The following RABL3 variants were observed in gnomAD, a reference collection of about 807,000 sequenced individuals.
The protein encoded by RABL3 is RAB, member of RAS oncogene family like 3.
RABL3 carries 31 observed loss-of-function variants against 31.8 expected under a neutral mutation model. The ratio of observed to expected loss-of-function variants is 0.97; its 90% CI spans 0.73 to 1.31. The LOEUF (loss-of-function observed/expected upper bound fraction) is 1.31. Among genes scored for constraint, RABL3 ranks in the 40% most tolerant of loss-of-function variants. The probability of loss-of-function intolerance (pLI) is 0.00; values close to 1 mark genes in which losing one functional copy is unlikely to be tolerated. For synonymous variants in RABL3, 97 were observed against 99.9 expected (o/e 0.97, Z 0.18); for missense variants, 263 against 279.6 (o/e 0.94, Z 0.42).
rs1038925153 is a variant in RABL3, at chr3:120,741,171, A to G, written c.46+1291T>C. On this transcript the variant is annotated intron_variant, in intron 1 of 7. Coordinates refer to ENST00000273375, the MANE Select transcript of RABL3 (RefSeq NM_173825.5). Reference sequence around the variant, plus strand: ...AGTGATACTCTTGCCAAGTCCCTTTAGGCCACAATTACTTTATCTGTAAAA... The same window carrying G: ...AGTGATACTCTTGCCAAGTCCCTTTGGGCCACAATTACTTTATCTGTAAAA... Among the ~76,000 whole-genome samples the G allele has an allele frequency of 2.6e-5, 4 of 152,366 alleles. No individual in the cohort carries two copies. In the East Asian group the frequency reaches 5.8e-4, roughly 22 times the overall value.
At chr3:120,714,681 CA>C (rs1206433534) in intron 2 of RABL3, among the ~76,000 whole-genome samples, 1 of 152,186 alleles carries the variant, frequency 6.6e-6, no homozygotes, top group African/African-American at 2.4e-5. Context: ...CAAAGGTCAG[CA>C]GAGACTTTAC....
rs1266094776 is a variant in RABL3 at position 120,688,975 on chromosome 3, CA to C, written c.*847del. On this transcript the variant is annotated 3_prime_UTR_variant, in exon 8 of 8. Coordinates refer to ENST00000273375, the MANE Select transcript of RABL3 (RefSeq NM_173825.5). ...TTCTGATTATAGCTAAGGGACATTT[CA>C]GGAGTTGACTTTTCCTTAAAAAAAC... is the stretch of plus-strand genomic sequence containing the variant. The C allele has an allele frequency of 6.6e-6, 1 of 152,120 alleles. No homozygotes were observed. Among genetic ancestry groups the C allele is most frequent in the Non-Finnish European group, 1.5e-5 (1 of 68,030 alleles). The allele number at this position is 152,120 out of a possible 1,614,324, so 9.4% of individuals were successfully genotyped here. A position where few individuals can be genotyped will look rare whatever the true frequency, so the allele number is the denominator to read the frequency against.
rs190088473 is a variant in RABL3 at position 120,716,084 on chromosome 3, T to C, written c.139-6175A>G. 2.6e-4 allele frequency among the ~76,000 whole-genome samples: 39 copies of C among 152,324 alleles called. No homozygotes were observed. In the East Asian group the frequency reaches 7.3e-3, roughly 29 times the overall value. On this transcript the variant is annotated intron_variant, in intron 2 of 7. Transcript: ENST00000273375. Reference sequence around the variant, plus strand: ...CCAGTGTCTGTACATTGTTAGGCTGTCCAAAGAGGAATTCAATAAATATCA... The same window carrying C: ...CCAGTGTCTGTACATTGTTAGGCTGCCCAAAGAGGAATTCAATAAATATCA...
Position 120,685,850 on chromosome 3 carries a change from G to A in RABL3, c.*3973C>T, listed in dbSNP as rs80144057. On this transcript the variant is annotated 3_prime_UTR_variant, in exon 8 of 8. Transcript: ENST00000273375. ...TTGTCTGTTAAAAATACAAAATCCT[G>A]GCCTTATCCTATACATATAGAAAGG... Among the ~76,000 whole-genome samples, 24,445 of 152,158 alleles carry A rather than the reference G, an allele frequency of 0.16. 2,531 individuals are homozygous for A. Among genetic ancestry groups the A allele is most frequent in the East Asian group, 0.49 (2,552 of 5,174 alleles).
intron 1 of RABL3, among the ~76,000 whole-genome samples, chr3:120,739,325 C>T (rs865931280): frequency 6.0e-4 from 90 of 151,210 alleles, no homozygotes; most frequent in Middle Eastern, 3.4e-3. Flanking sequence ...TGCAGTGAGC[C>T]GAGATTGCGC....
intron 2 of RABL3, among the ~76,000 whole-genome samples, chr3:120,716,408 A>G (rs1708670111): frequency 6.6e-6 from 1 of 152,192 alleles, no homozygotes; most frequent in Admixed American, 6.5e-5. Context: ...GTAATTACTG[A>G]GTACATACAT....
In RABL3 at chr3:120,739,805, A is replaced by G. The variant is rs76478372; in HGVS notation, c.46+2657T>C. Among the ~76,000 whole-genome samples, 1,159 of 152,294 alleles carry G rather than the reference A, an allele frequency of 7.6e-3. 15 individuals are homozygous for G. The highest frequency in any genetic ancestry group is 0.026 in the African/African-American group (1,099 of 41,558). On this transcript the variant is annotated intron_variant, in intron 1 of 7. Coordinates refer to ENST00000273375, the MANE Select transcript of RABL3 (RefSeq NM_173825.5). The stretch of plus-strand genomic sequence containing the variant: ...AAGGAATGTATCTATCCACTTAATT[A>G]TCAGCTTGATGCAACACTTGAGGCC...
At chr3:120,713,520 G>T (rs1708634653) in intron 2 of RABL3, among the ~76,000 whole-genome samples, 1 of 152,306 alleles carries the variant, frequency 6.6e-6, no homozygotes, top group Admixed American at 6.5e-5. Context: ...ATGATGGGAG[G>T]TAATGCCAAA....
intron 2 of RABL3, among the ~76,000 whole-genome samples, chr3:120,711,170 C>T (rs1048155579): frequency 6.6e-6 from 1 of 152,058 alleles, no homozygotes; most frequent in Non-Finnish European, 1.5e-5. Context: ...TTTCTAATTG[C>T]TAATGTGTCT....
At chr3:120,705,669 C>G (rs933163514) in intron 4 of RABL3, among the ~76,000 whole-genome samples, 3 of 152,114 alleles carry the variant, frequency 2.0e-5, no homozygotes, top group African/African-American at 7.2e-5. Context: ...ACCTATAAAA[C>G]TTAAAATGTT....
chr3:120,696,541 A>T (rs1262519881), intron 5 of RABL3, among the ~76,000 whole-genome samples: 3 of 151,970 alleles, frequency 2.0e-5, no homozygotes, highest in Non-Finnish European at 4.4e-5. Flanking sequence ...GTACCTTTAC[A>T]TCTGACTCAC....
chr3:120,711,286 TAA>T (rs1708610120), intron 2 of RABL3, among the ~76,000 whole-genome samples: 1 of 152,138 alleles, frequency 6.6e-6, no homozygotes. Flanking sequence ...GCCAAAAACT[TAA>T]GACTGATCCT....
In RABL3 at chr3:120,691,131, C is replaced by T. The variant is rs537712943; in HGVS notation, c.607-644G>A. ...CAGATGTATCTGCACAAATCCATCACCATTATTGAAAAGAAACCCTCAAAA... is the reference window on the plus strand; with the variant it reads ...CAGATGTATCTGCACAAATCCATCATCATTATTGAAAAGAAACCCTCAAAA... On this transcript the variant is annotated intron_variant, in intron 6 of 7. Coordinates refer to ENST00000273375, the MANE Select transcript of RABL3 (RefSeq NM_173825.5). Among the ~76,000 whole-genome samples the T allele has an allele frequency of 7.9e-5, 12 of 152,216 alleles. No homozygotes were observed. In the South Asian group the frequency reaches 2.3e-3, roughly 29 times the overall value.
intron 1 of RABL3, among the ~76,000 whole-genome samples, chr3:120,742,028 T>C (rs1056148981): frequency 6.6e-6 from 1 of 150,944 alleles, no homozygotes; most frequent in South Asian, 2.1e-4. Flanking sequence ...CGCTTGCCAG[T>C]GCACGTTTCT....
chr3:120,716,645 AAAG>A (rs1708673551), intron 2 of RABL3, among the ~76,000 whole-genome samples: 1 of 152,006 alleles, frequency 6.6e-6, no homozygotes, highest in African/African-American at 2.4e-5. Context: ...AAAGAAAAAA[AAAG>A]AGGCAACTGT....
At chr3:120,720,063 C>G (rs1354810858) in intron 2 of RABL3, among the ~76,000 whole-genome samples, 2 of 152,152 alleles carry the variant, frequency 1.3e-5, no homozygotes, top group Admixed American at 1.3e-4. Context: ...CTGGTGATAC[C>G]CAGGCAAACA....
rs559887731 is a variant in RABL3, at chr3:120,686,194, TCTC to T, written c.*3626_*3628del. On this transcript the variant is annotated 3_prime_UTR_variant, in exon 8 of 8. Coordinates refer to ENST00000273375, the MANE Select transcript of RABL3 (RefSeq NM_173825.5). ...CGGAGAAATGAATTTCTAATTTCCT[TCTC>T]CTCCTTTCCCCAAAACAGACTCCTC... 8.4e-4 allele frequency among the ~76,000 whole-genome samples: 128 copies of T among 152,302 alleles called. No individual in the cohort carries two copies. The South Asian group carries it at 0.024, about 29-fold the overall frequency.
intron 1 of RABL3, among the ~76,000 whole-genome samples, chr3:120,737,491 G>T (rs1175332957): frequency 2.6e-5 from 4 of 152,250 alleles, no homozygotes; most frequent in African/African-American, 9.6e-5. Context: ...GCTCGGAGAA[G>T]TTTGATCATC....
At chr3:120,712,414 G>GA (rs1708622685) in intron 2 of RABL3, among the ~76,000 whole-genome samples, 1 of 152,018 alleles carries the variant, frequency 6.6e-6, no homozygotes, top group Non-Finnish European at 1.5e-5. Flanking sequence ...AAACCAAGCA[G>GA]AAAAAACATA....
Sources: allele counts gnomAD v4.1 joint callset (sites outside exome capture counted in the v4.1 genomes callset), GRCh38; gene constraint gnomAD v4.1.1; transcripts MANE v1.5; gene names NCBI Gene and HGNC (gene_info 2026-07-23, HGNC 2026-07-21).